The following CCDC73 variants were observed in gnomAD, a reference collection of about 807,000 sequenced individuals.
CCDC73 encodes the protein coiled-coil domain-containing protein 73.
Under a neutral mutation model 116.5 loss-of-function variants are expected in CCDC73, and 95 were observed. The observed-to-expected ratio is 0.82, with a 90% CI of 0.69 to 0.97. The LOEUF (loss-of-function observed/expected upper bound fraction) is 0.97. Among genes scored for constraint, CCDC73 ranks in the 50% least tolerant of loss-of-function variants. The pLI is 0.00. For missense variants in CCDC73, 1,066 were observed against 1,206.8 expected, an observed-to-expected ratio of 0.88 and a Z score of 1.73; for synonymous variants, 398 against 401.3, an observed-to-expected ratio of 0.99 and a Z score of 0.10.
intron 7 of CCDC73, among the ~76,000 whole-genome samples, chr11:32,677,339 C>A (rs1310387145): frequency 6.6e-6 from 1 of 152,290 alleles, no homozygotes. Context: ...AACATTACAA[C>A]AGGACTAAAA....
At chr11:32,703,041 C>A in intron 3 of CCDC73, 97 bp from the exon 4 acceptor site, 1 of 805,124 alleles carries the variant, frequency 1.2e-6, no homozygotes, top group East Asian at 2.4e-5. Flanking sequence ...TCAACCATAC[C>A]TTCTACATAT....
intron 12 of CCDC73, among the ~76,000 whole-genome samples, chr11:32,649,362 T>C (rs1002961358): frequency 4.6e-5 from 7 of 152,212 alleles, no homozygotes; most frequent in Admixed American, 4.6e-4. Flanking sequence ...TACAGGAACA[T>C]AACTATGCTT....
At chr11:32,773,111 C>T (rs1850504503) in intron 1 of CCDC73, among the ~76,000 whole-genome samples, 1 of 152,114 alleles carries the variant, frequency 6.6e-6, no homozygotes, top group Non-Finnish European at 1.5e-5. Context: ...GAAGTAATGA[C>T]ACATGCAACA....
intron 9 of CCDC73, among the ~76,000 whole-genome samples, chr11:32,664,324 T>C (rs775426226): frequency 6.6e-6 from 1 of 152,216 alleles, no homozygotes; most frequent in Non-Finnish European, 1.5e-5. Flanking sequence ...CTTTTTTTGG[T>C]TGGTAGGCTA....
At chr11:32,607,130 T>A (rs1430253136) in intron 17 of CCDC73, among the ~76,000 whole-genome samples, 68 of 123,402 alleles carry the variant, frequency 5.5e-4, no homozygotes, top group Non-Finnish European at 9.0e-4. Context: ...TCTCGCTCTG[T>A]CGCCCAGGCT....
intron 6 of CCDC73, among the ~76,000 whole-genome samples, chr11:32,684,344 T>C (rs930841953): frequency 1.3e-5 from 2 of 152,304 alleles, no homozygotes; most frequent in African/African-American, 4.8e-5. Flanking sequence ...TAAGCCACCA[T>C]GCCCCACTCT....
At chr11:32,820,503 G>C in the CCDC73 span, among the ~76,000 whole-genome samples, 1 of 152,120 alleles carries the variant, frequency 6.6e-6, no homozygotes, top group Non-Finnish European at 1.5e-5. Context: ...TATAGAAATA[G>C]CTGAAGAGGC....
intron 9 of CCDC73, among the ~76,000 whole-genome samples, chr11:32,673,752 G>A (rs1054804763): frequency 1.3e-5 from 2 of 152,124 alleles, no homozygotes; most frequent in African/African-American, 2.4e-5. Context: ...CATCAACTAG[G>A]ATAACCTGAA....
intron 6 of CCDC73, among the ~76,000 whole-genome samples, chr11:32,692,508 T>C (rs993996994): frequency 1.3e-5 from 2 of 152,072 alleles, no homozygotes; most frequent in African/African-American, 4.8e-5. Flanking sequence ...TAATATAATA[T>C]ATAAAATTAA....
rs181042642 is a variant in CCDC73, at chr11:32,659,530, T to C, written c.646-4558A>G. On this transcript the variant is annotated intron_variant, in intron 9 of 17. Coordinates refer to ENST00000335185, the MANE Select transcript of CCDC73 (RefSeq NM_001008391.4). The stretch of plus-strand genomic sequence containing the variant: ...ATAATCAGGGAGTCAGAGGAATTTA[T>C]TTTAAGAGTAGACGACCTTGGAAAA... Among the ~76,000 whole-genome samples, 1,160 of 152,218 alleles carry C rather than the reference T, an allele frequency of 7.6e-3. 12 individuals are homozygous for C. The highest frequency in any genetic ancestry group is 0.026 in the African/African-American group (1,076 of 41,490).
chr11:32,654,070 A>C, intron 10 of CCDC73, 33 bp from the exon 11 acceptor site: 1 of 1,556,040 alleles, frequency 6.4e-7, no homozygotes. Context: ...AAGTTATGAT[A>C]TAAAATTCAG....
At chr11:32,675,839 C>G (rs751091015) in intron 8 of CCDC73, 47 bp downstream of exon 8, 1 of 1,467,998 alleles carries the variant, frequency 6.8e-7, no homozygotes. Context: ...TAAGTCCATT[C>G]AAACATTCTC....
upstream of CCDC73, among the ~76,000 whole-genome samples, chr11:32,797,049 AG>A (rs1850733248): frequency 6.6e-6 from 1 of 150,954 alleles, no homozygotes; most frequent in African/African-American, 2.4e-5. Flanking sequence ...CAACTTAAAA[AG>A]TTAAAGGACT....
chr11:32,716,419 G>T (rs1456479360), intron 3 of CCDC73, among the ~76,000 whole-genome samples: 1 of 152,144 alleles, frequency 6.6e-6, no homozygotes, highest in East Asian at 1.9e-4. Flanking sequence ...AATTATGACA[G>T]CTTTATATTA....
chr11:32,702,773 T>C lies in CCDC73; in HGVS notation c.279+100A>G, dbSNP rs1183435236. 13 of 823,388 alleles carry C rather than the reference T, an allele frequency of 1.6e-5. No individual in the cohort carries two copies. The East Asian group carries it at 3.2e-4, about 20-fold the overall frequency. The allele number at this position is 823,388 out of a possible 1,614,324, so 51.0% of individuals were successfully genotyped here. On this transcript the variant is annotated intron_variant, in intron 4 of 17. Coordinates refer to ENST00000335185, the MANE Select transcript of CCDC73 (RefSeq NM_001008391.4). ...CCATAATACCTTGTTCTCCTTTTTG[T>C]CTTTGGTGACTATGGAGAACAGCTT...
intron 6 of CCDC73, among the ~76,000 whole-genome samples, chr11:32,690,326 G>T (rs942268652): frequency 6.6e-6 from 1 of 152,126 alleles, no homozygotes; most frequent in Non-Finnish European, 1.5e-5. Flanking sequence ...TTTTAGAGAA[G>T]ATTTAGGTTC....
At chr11:32,830,345 G>A in the CCDC73 span, among the ~76,000 whole-genome samples, 29 of 152,368 alleles carry the variant, frequency 1.9e-4, no homozygotes, top group African/African-American at 6.5e-4. Flanking sequence ...GCTCTCAGGG[G>A]CTGCTTCCTG....
intron 4 of CCDC73, among the ~76,000 whole-genome samples, chr11:32,702,519 G>T (rs868841511): frequency 1.3e-5 from 2 of 152,150 alleles, no homozygotes; most frequent in South Asian, 4.2e-4. Context: ...TGGGTAAAGC[G>T]GTACTATGGA....
Position 32,674,755 on chromosome 11 carries a change from G to A in CCDC73, c.645+810C>T, listed in dbSNP as rs538161504. 9.9e-5 allele frequency among the ~76,000 whole-genome samples: 15 copies of A among 152,240 alleles called. No individual in the cohort carries two copies. The South Asian group carries it at 3.1e-3, about 32-fold the overall frequency. On this transcript the variant is annotated intron_variant, in intron 9 of 17. Coordinates refer to ENST00000335185, the MANE Select transcript of CCDC73 (RefSeq NM_001008391.4). ...GTCATTTATCTATACCTGAACCAAT[G>A]CCTATGGTCAGAAGAAAGAAATATG... is the stretch of plus-strand genomic sequence containing the variant.
Sources: gnomAD v4.1 joint callset for allele counts (sites outside exome capture counted in the v4.1 genomes callset) on GRCh38, gnomAD v4.1.1 for gene constraint, MANE v1.5 for transcripts, NCBI Gene and HGNC (gene_info 2026-07-23, HGNC 2026-07-21) for gene names.